The following NEDD9 variants were observed in gnomAD, a reference collection of about 807,000 sequenced individuals.
NEDD9 encodes the protein neural precursor cell expressed, developmentally down-regulated 9, also known as enhancer of filamentation 1.
A neutral mutation model predicts 76.6 loss-of-function variants in NEDD9; 26 were observed. The observed-to-expected ratio is 0.34, with a 90% confidence interval of 0.25 to 0.47. NEDD9 has a LOEUF of 0.47. Ranked by LOEUF, NEDD9 falls within the 20% of genes least tolerant of loss-of-function variation. The probability of loss-of-function intolerance (pLI) is 1.00; values close to 1 mark genes in which losing one functional copy is unlikely to be tolerated. For synonymous variants in NEDD9, 392 were observed against 414.2 expected, an observed-to-expected ratio of 0.95 and a Z score of 0.65; for missense variants, 937 against 1,058.5, an observed-to-expected ratio of 0.89 and a Z score of 1.59.
At chr6:11,335,964 T>TTCAAGCC (rs1201972603) in intron 1 of NEDD9, among the ~76,000 whole-genome samples, 1 of 144,798 alleles carries the variant, frequency 6.9e-6, no homozygotes, top group African/African-American at 2.8e-5. Flanking sequence ...GAAGCTCGTC[T>TTCAAGCC]GCACTTGAGA....
chr6:11,361,446 GAGAC>G (rs1357144313), intron 1 of NEDD9, among the ~76,000 whole-genome samples: 2 of 152,044 alleles, frequency 1.3e-5, no homozygotes, highest in African/African-American at 2.4e-5. Flanking sequence ...AGGAGCAAGA[GAGAC>G]AGACAGAGTG....
rs1758095644 is a variant in NEDD9 at position 11,190,074 on chromosome 6, G to A, written c.1795C>T (p.His599Tyr). Residue 599 changes from histidine to tyrosine, a missense_variant, in exon 5 of 7, where the codon CAC becomes TAC. Transcript: ENST00000379446. This position sits in a 1 kb window ranked among gnomAD's most constrained non-coding sequence, Gnocchi z 5.8. ...AGGCCTGGGGGCAGTGCCTTGTTGT[G>A]GGCCTGGGCCTTGTGGTCACCAGGA... ...LHPGDHKAQA[H>Y]NKALPPGLSK... 6.2e-7 allele frequency: 1 copy of A among 1,602,786 alleles called. No individual in the cohort carries two copies. Among genetic ancestry groups the A allele is most frequent in the Non-Finnish European group, 8.5e-7 (1 of 1,173,646 alleles).
chr6:11,256,754 C>G (rs1447904618), intron 3 of NEDD9, among the ~76,000 whole-genome samples: 1 of 152,150 alleles, frequency 6.6e-6, no homozygotes, highest in Non-Finnish European at 1.5e-5. Flanking sequence ...GTGAGCCACC[C>G]TGCCCGGTCG....
chr6:11,322,312 C>G (rs1761826045), intron 2 of NEDD9, among the ~76,000 whole-genome samples: 1 of 152,044 alleles, frequency 6.6e-6, no homozygotes, highest in Non-Finnish European at 1.5e-5. Context: ...CCTGCACATT[C>G]TGCACATGTA....
chr6:11,235,911 GT>G, upstream of NEDD9, among the ~76,000 whole-genome samples: 1 of 152,296 alleles, frequency 6.6e-6, no homozygotes, highest in African/African-American at 2.4e-5. This position sits in a 1 kb window ranked among gnomAD's most constrained non-coding sequence, Gnocchi z 4.1. Context: ...CCTCTGCAGT[GT>G]TTTGACCAGG....
chr6:11,248,361 C>T (rs1759850553), intron 3 of NEDD9, among the ~76,000 whole-genome samples: 1 of 152,162 alleles, frequency 6.6e-6, no homozygotes, highest in South Asian at 2.1e-4. Flanking sequence ...ACCTGATGCT[C>T]AGGGAGTGAC....
intron 2 of NEDD9, among the ~76,000 whole-genome samples, chr6:11,329,748 G>T (rs1253791203): frequency 6.6e-6 from 1 of 152,014 alleles, no homozygotes; most frequent in Non-Finnish European, 1.5e-5. Context: ...TTTTTTGACT[G>T]CCACAACTGG....
At chr6:11,235,549 T>A (rs1003444669), upstream of NEDD9, among the ~76,000 whole-genome samples, 7 of 152,212 alleles carry the variant, frequency 4.6e-5, no homozygotes, top group African/African-American at 1.4e-4. This position sits in a 1 kb window ranked among gnomAD's most constrained non-coding sequence, Gnocchi z 4.1. Flanking sequence ...CAGTGATAAA[T>A]GCTATGAAGA....
At chr6:11,286,695 T>C (rs1400295435) in intron 3 of NEDD9, among the ~76,000 whole-genome samples, 1 of 152,258 alleles carries the variant, frequency 6.6e-6, no homozygotes, top group East Asian at 1.9e-4. Context: ...AAAGTAACTA[T>C]TCTGAGTATA....
chr6:11,355,930 C>G (rs188751292), intron 1 of NEDD9, among the ~76,000 whole-genome samples: 1 of 152,074 alleles, frequency 6.6e-6, no homozygotes, highest in Non-Finnish European at 1.5e-5. Context: ...ACCGTGTTAG[C>G]CAGGATGGTC....
upstream of NEDD9, among the ~76,000 whole-genome samples, chr6:11,237,120 G>A (rs145202377): frequency 7.9e-5 from 12 of 151,940 alleles, no homozygotes; most frequent in Admixed American, 1.3e-4. This position sits in a 1 kb window ranked among gnomAD's most constrained non-coding sequence, Gnocchi z 4.9. Context: ...TGCCCACCTC[G>A]CCCTTTCAGA....
intron 3 of NEDD9, among the ~76,000 whole-genome samples, chr6:11,259,943 CACACACACACACACACAG>C (rs938368583): frequency 3.3e-5 from 5 of 151,524 alleles, no homozygotes; most frequent in Admixed American, 3.3e-4. Context: ...TTAACACACA[CACACACACACACACACAG>C]ACACACACCC....
At chr6:11,320,354 T>G (rs1297887884) in intron 2 of NEDD9, among the ~76,000 whole-genome samples, 1 of 152,206 alleles carries the variant, frequency 6.6e-6, no homozygotes, top group East Asian at 1.9e-4. Context: ...TTAAATAACC[T>G]TCTATACTCT....
chr6:11,280,272 C>T (rs950916624), intron 3 of NEDD9, among the ~76,000 whole-genome samples: 1 of 152,174 alleles, frequency 6.6e-6, no homozygotes, highest in Non-Finnish European at 1.5e-5. Context: ...CACTGGGTAC[C>T]CTGGGGCCAA....
At chr6:11,338,570 T>A (rs74741382) in intron 1 of NEDD9, among the ~76,000 whole-genome samples, 5 of 152,172 alleles carry the variant, frequency 3.3e-5, no homozygotes, top group Non-Finnish European at 1.5e-5. Flanking sequence ...AGCCATCATC[T>A]GGGATGATTC....
At chr6:11,295,294 T>A (rs544746639) in intron 3 of NEDD9, among the ~76,000 whole-genome samples, 1 of 152,246 alleles carries the variant, frequency 6.6e-6, no homozygotes. Flanking sequence ...TATTATTGTA[T>A]GAGTGCGTTT....
At chr6:11,283,055 T>C (rs1396041414) in intron 3 of NEDD9, among the ~76,000 whole-genome samples, 1 of 152,218 alleles carries the variant, frequency 6.6e-6, no homozygotes, top group African/African-American at 2.4e-5. Context: ...ACTTCTACCT[T>C]ATGACCTTGG....
chr6:11,251,044 G>A (rs897955394), intron 3 of NEDD9, among the ~76,000 whole-genome samples: 2 of 152,194 alleles, frequency 1.3e-5, no homozygotes, highest in African/African-American at 4.8e-5. Context: ...TATAGGATAA[G>A]TGGCTGTTTA....
intron 2 of NEDD9, among the ~76,000 whole-genome samples, chr6:11,322,142 C>A (rs939614361): frequency 6.6e-6 from 1 of 152,056 alleles, no homozygotes; most frequent in Admixed American, 6.5e-5. Context: ...CACGTGAACA[C>A]AGGGAGGGAA....
Sources: allele counts gnomAD v4.1 joint callset (sites outside exome capture counted in the v4.1 genomes callset), GRCh38; gene constraint gnomAD v4.1.1; non-coding constraint Gnocchi (gnomAD v3.1); transcripts MANE v1.5; gene names NCBI Gene and HGNC (gene_info 2026-07-23, HGNC 2026-07-21).